Variants in MACROD2 observed in about 807,000 individuals in gnomAD.
The protein encoded by MACROD2 is mono-ADP ribosylhydrolase 2.
MACROD2 carries 36 observed loss-of-function variants against 70.4 expected under a neutral mutation model. The ratio of observed to expected loss-of-function variants is 0.51; its 90% CI spans 0.39 to 0.68. The LOEUF (loss-of-function observed/expected upper bound fraction) is 0.68. MACROD2 is among the 30% of genes least tolerant of loss of function. MACROD2 has a pLI of 0.00. For missense variants in MACROD2, 496 were observed against 538.4 expected (o/e 0.92, Z 0.78); for synonymous variants, 172 against 178.8 (o/e 0.96, Z 0.30).
chr20:14,107,911 T>A (rs1274097195), intron 3 of MACROD2, among the ~76,000 whole-genome samples: 1 of 152,048 alleles, frequency 6.6e-6, no homozygotes, highest in Non-Finnish European at 1.5e-5. Flanking sequence ...AAAAGAACAT[T>A]AATAACAATA....
rs1253138343 is a variant in MACROD2 at position 15,555,841 on chromosome 20, AAAAAAAAAAAAAAGG to A, written c.645+55999_645+56013del. Among the ~76,000 whole-genome samples, 1,061 of 149,312 alleles carry A rather than the reference AAAAAAAAAAAAAAGG, an allele frequency of 7.1e-3. 32 individuals are homozygous for A. Among genetic ancestry groups the A allele is most frequent in the African/African-American group, 0.025 (1,008 of 40,212 alleles). ...GAGACTCCATCTCAAAAAAAAAAAA[AAAAAAAAAAAAAAGG>A]AAAAGAAAAGAAAAGGAAAGAACCA... On this transcript the variant is annotated intron_variant, in intron 8 of 17. Transcript: ENST00000684519.
chr20:15,199,219 G>A (rs971895654), intron 5 of MACROD2, among the ~76,000 whole-genome samples: 1 of 152,032 alleles, frequency 6.6e-6, no homozygotes, highest in African/African-American at 2.4e-5. Context: ...AGCCAGGCAT[G>A]GTTGTGCATG....
intron 5 of MACROD2, among the ~76,000 whole-genome samples, chr20:14,761,439 A>T (rs1426287742): frequency 1.3e-5 from 2 of 152,092 alleles, no homozygotes; most frequent in African/African-American, 4.8e-5. Context: ...CCAGCATCAT[A>T]CCCCGACTGG....
intron 5 of MACROD2, among the ~76,000 whole-genome samples, chr20:14,828,040 G>T (rs921192659): frequency 6.6e-6 from 1 of 151,622 alleles, no homozygotes; most frequent in Non-Finnish European, 1.5e-5. Context: ...GGTAAAGTTC[G>T]GGAAGGCATA....
intron 8 of MACROD2, among the ~76,000 whole-genome samples, chr20:15,570,633 G>T (rs2048365195): frequency 6.6e-6 from 1 of 152,222 alleles, no homozygotes; most frequent in East Asian, 1.9e-4. Context: ...CTATTGTGTT[G>T]TTCTCCATGC....
intron 4 of MACROD2, among the ~76,000 whole-genome samples, chr20:14,682,769 G>T (rs2070949445): frequency 6.6e-6 from 1 of 151,906 alleles, no homozygotes; most frequent in Non-Finnish European, 1.5e-5. Context: ...CGTATTTTTT[G>T]CACTTGTGTT....
chr20:15,888,943 C>A (rs919251321), intron 10 of MACROD2, among the ~76,000 whole-genome samples: 1 of 152,154 alleles, frequency 6.6e-6, no homozygotes, highest in Non-Finnish European at 1.5e-5. Flanking sequence ...TGCCTTTCCC[C>A]CGCCCTGCAT....
chr20:15,703,618 T>G, intron 8 of MACROD2, among the ~76,000 whole-genome samples: 1 of 152,246 alleles, frequency 6.6e-6, no homozygotes, highest in East Asian at 1.9e-4. Flanking sequence ...ATTTTCCTTT[T>G]TAAATCTTGT....
intron 5 of MACROD2, among the ~76,000 whole-genome samples, chr20:14,847,229 A>T (rs1034852327): frequency 1.3e-5 from 2 of 152,158 alleles, no homozygotes; most frequent in African/African-American, 4.8e-5. Flanking sequence ...GTGAACTCTA[A>T]TGAGTTTAGG....
At chr20:15,220,382 G>A (rs11697309) in intron 5 of MACROD2, among the ~76,000 whole-genome samples, 5,672 of 152,314 alleles carry the variant, frequency 0.037, 163 homozygotes, top group Non-Finnish European at 0.056. Context: ...CACAGACATA[G>A]ATTTGTCATA....
chr20:14,656,241 G>T (rs1985968324), intron 4 of MACROD2, among the ~76,000 whole-genome samples: 1 of 152,160 alleles, frequency 6.6e-6, no homozygotes, highest in Non-Finnish European at 1.5e-5. Context: ...AGATTTCGGA[G>T]GTCTGCTCCC....
At chr20:14,112,359 G>A (rs1254051321) in intron 3 of MACROD2, among the ~76,000 whole-genome samples, 1 of 151,948 alleles carries the variant, frequency 6.6e-6, no homozygotes, top group East Asian at 1.9e-4. Context: ...AAATAACTAA[G>A]AGTATAATTT....
At chr20:14,182,356 T>A (rs2081311591) in intron 3 of MACROD2, among the ~76,000 whole-genome samples, 1 of 151,930 alleles carries the variant, frequency 6.6e-6, no homozygotes, top group Non-Finnish European at 1.5e-5. Context: ...AGTTGTTAGG[T>A]TTTTTCATAT....
chr20:14,786,200 A>AAGAGAGAGAGAGAGAGAGAG (rs1219384490), intron 5 of MACROD2, among the ~76,000 whole-genome samples: 6 of 66,204 alleles, frequency 9.1e-5, no homozygotes, highest in African/African-American at 3.0e-4. Flanking sequence ...CACTCAGAGA[A>AAGAGAGAGAGAGAGAGAGAG]AGATAGAGAG....
intron 5 of MACROD2, among the ~76,000 whole-genome samples, chr20:15,112,486 A>G (rs1301955514): frequency 1.3e-5 from 2 of 152,092 alleles, no homozygotes; most frequent in Non-Finnish European, 2.9e-5. Context: ...TCACTACTCC[A>G]TTAGGAAGGT....
At chr20:14,668,045 C>G (rs1248754298) in intron 4 of MACROD2, among the ~76,000 whole-genome samples, 1 of 151,954 alleles carries the variant, frequency 6.6e-6, no homozygotes, top group Admixed American at 6.6e-5. Flanking sequence ...CTACTTGCTA[C>G]TCGGGGACTG....
chr20:15,805,968 T>C (rs867407783), intron 8 of MACROD2, among the ~76,000 whole-genome samples: 44 of 152,208 alleles, frequency 2.9e-4, no homozygotes, highest in African/African-American at 1.0e-3. Flanking sequence ...GTAATATTTA[T>C]TGGTCTTGAG....
chr20:14,510,345 A>ATT (rs10642131), intron 4 of MACROD2, among the ~76,000 whole-genome samples: 150,078 of 152,130 alleles, frequency 0.99, 74,056 homozygotes, highest in East Asian at 1. Flanking sequence ...AAATATAAAT[A>ATT]TTGTGATTAA....
At chr20:15,856,129 T>C (rs961103012) in intron 8 of MACROD2, among the ~76,000 whole-genome samples, 5 of 152,198 alleles carry the variant, frequency 3.3e-5, no homozygotes, top group Non-Finnish European at 7.3e-5. Context: ...AGGTTTCCAA[T>C]TTTTATTCTC....
Sources: allele counts gnomAD v4.1 joint callset (sites outside exome capture counted in the v4.1 genomes callset), GRCh38; gene constraint gnomAD v4.1.1; transcripts MANE v1.5; gene names NCBI Gene and HGNC (gene_info 2026-07-23, HGNC 2026-07-21).